Variants in SH3TC1 observed in about 807,000 individuals in gnomAD.
SH3TC1 encodes SH3 domain and tetratricopeptide repeats 1, also known as SH3 domain and tetratricopeptide repeat-containing protein 1.
SH3TC1 carries 135 observed loss-of-function variants against 117.3 expected under a neutral mutation model. That is an observed-to-expected ratio of 1.15 (90% confidence interval 1.00 to 1.33). The LOEUF (loss-of-function observed/expected upper bound fraction) is 1.33, where lower values mean the gene tolerates loss of function less well. SH3TC1 is among the 40% of genes most tolerant of loss of function. The pLI is 0.00. For missense variants in SH3TC1, 2,092 were observed against 1,794.3 expected, an observed-to-expected ratio of 1.17 and a Z score of -3.00; for synonymous variants, 898 against 816.9, an observed-to-expected ratio of 1.10 and a Z score of -1.69.
chr4:8,232,088 C>T lies in SH3TC1; in HGVS notation c.3063C>T (p.Ala1021=), dbSNP rs780963100. The T allele has an allele frequency of 1.2e-5, 19 of 1,612,820 alleles. No individual in the cohort carries two copies. The highest frequency in any genetic ancestry group is 5.0e-5 in the Admixed American group (3 of 59,972). ...AGCTCTCCCTGGCCTGCAAGGTGGCCGACAAGGTGCTGGAGGGGCAGCTCC... is the reference window on the plus strand; with the variant it reads ...AGCTCTCCCTGGCCTGCAAGGTGGCTGACAAGGTGCTGGAGGGGCAGCTCC... ...ELQLSLACKV[A]DKVLEGQLLE... is the part of the protein sequence containing the mutation. Residue 1021 remains alanine (A), a synonymous_variant, in exon 13 of 18, where the codon GCC becomes GCT. Transcript: ENST00000245105.
chr4:8,232,054 A>G lies in SH3TC1; in HGVS notation c.3029A>G (p.His1010Arg). 1 of 1,613,416 alleles carries G rather than the reference A, an allele frequency of 6.2e-7. No individual in the cohort carries two copies. The highest frequency in any genetic ancestry group is 2.2e-5 in the East Asian group (1 of 44,866). The change falls in exon 13 of 18, where the codon CAT becomes CGT. Residue 1010 changes from histidine to arginine, a missense_variant. His to Arg is a conservative substitution (Grantham distance 29, BLOSUM62 0). Transcript: ENST00000245105. Reference protein sequence around the residue: ...MPSEAQCVIYHELQLSLACKV... With the variant: ...MPSEAQCVIYRELQLSLACKV... ...AGCGAGGCCCAGTGTGTCATCTACC[A>G]TGAGCTCCAGCTCTCCCTGGCCTGC...
At chr4:8,187,069 T>C (rs934190852) in intron 1 of SH3TC1, among the ~76,000 whole-genome samples, 15 of 152,188 alleles carry the variant, frequency 9.9e-5, no homozygotes, top group Admixed American at 7.9e-4. Flanking sequence ...CCTGCTCAAA[T>C]GTCACTGCCT....
intron 1 of SH3TC1, among the ~76,000 whole-genome samples, chr4:8,184,214 T>A (rs1219025995): frequency 2.0e-5 from 3 of 152,218 alleles, no homozygotes; most frequent in Non-Finnish European, 2.9e-5. Flanking sequence ...AAATCCATTA[T>A]TACTAAGTGG....
chr4:8,224,055 A>ACC (rs1720216058), intron 10 of SH3TC1, among the ~76,000 whole-genome samples: 10 of 142,882 alleles, frequency 7.0e-5, no homozygotes, highest in Admixed American at 1.4e-4. Context: ...ACACACACAC[A>ACC]CACCCACCCA....
At chr4:8,226,358 G>T (rs1720459922) in intron 11 of SH3TC1, among the ~76,000 whole-genome samples, 2 of 152,182 alleles carry the variant, frequency 1.3e-5, no homozygotes, top group Admixed American at 1.3e-4. Context: ...GGTGAAGGTG[G>T]TCACAGGAGC....
Position 8,227,959 on chromosome 4 carries a change from C to A in SH3TC1, c.2265C>A (p.Ala755=), listed in dbSNP as rs1376666715. 2 of 1,611,732 alleles carry A rather than the reference C, an allele frequency of 1.2e-6. No homozygotes were observed. Among genetic ancestry groups the A allele is most frequent in the East Asian group, 2.2e-5 (1 of 44,894 alleles). The change falls in exon 12 of 18, where the codon GCC becomes GCA. Residue 755 remains alanine, a synonymous_variant. Coordinates refer to ENST00000245105, the MANE Select transcript of SH3TC1 (RefSeq NM_018986.5). ...LRSVNLVLQN[A]PQPHSLPAQT... ...GTGTGAACCTGGTGCTCCAGAACGC[C>A]CCCCAGCCCCACAGCCTCCCTGCCC...
At position 8,226,990 on chromosome 4, in the gene SH3TC1, A is replaced by C. The variant is rs1578717398; in HGVS notation, c.1296A>C (p.Pro432=). 6.5e-7 allele frequency: 1 copy of C among 1,543,426 alleles called. No homozygotes were observed. Among genetic ancestry groups the C allele is most frequent in the Non-Finnish European group, 8.7e-7 (1 of 1,143,762 alleles). ...TTTTGTGACTTGCAGAAATACCTCC[A>C]CCTTGCCTGAGCCTGGAGCCACAGG... ...TEQPQEKEIP[P]PCLSLEPQET... is the part of the protein sequence containing the mutation. The change falls in exon 12 of 18, where the codon CCA becomes CCC. Residue 432 remains proline (P), a synonymous_variant. Coordinates refer to ENST00000245105, the MANE Select transcript of SH3TC1 (RefSeq NM_018986.5).
At position 8,240,887 on chromosome 4, in the gene SH3TC1, AG is replaced by A; in HGVS notation, c.3946del (p.Val1316SerfsTer60). The A allele has an allele frequency of 1.9e-6, 3 of 1,613,346 alleles. No homozygotes were observed. Among genetic ancestry groups the A allele is most frequent in the Middle Eastern group, 1.6e-4 (1 of 6,062 alleles). On this transcript the variant is annotated frameshift_variant, in exon 18 of 18. Transcript: ENST00000245105. LOFTEE classifies it low-confidence loss of function (END_TRUNC). ...CTTCGCCACAGAGCTCAACGTCCGC[AG>A]GGTCAACCTGCCTCCTCTGCCACTC... ...RTFATELNVRRVNLPPLPLCG... is the reference protein window; with the variant it reads ...RTFATELNVRXVNLPPLPLCG...
At chr4:8,236,110 C>T (rs1304491327) in intron 15 of SH3TC1, 168 bp from the exon 16 acceptor site, 2 of 835,642 alleles carry the variant, frequency 2.4e-6, no homozygotes, top group Non-Finnish European at 3.5e-6. Context: ...GACTCTTCAG[C>T]CCCTAGCTTG....
At position 8,237,521 on chromosome 4, in the gene SH3TC1, C is replaced by T. The variant is rs1384310749; in HGVS notation, c.3604C>T (p.Gln1202Ter). 6.2e-7 allele frequency: 1 copy of T among 1,606,900 alleles called. No homozygotes were observed. The highest frequency in any genetic ancestry group is 1.1e-5 in the South Asian group (1 of 90,094). ...GGCCTACCACCGGCTGGCCGCCCTG[C>T]AACACCGACTGGGCCATGGCGAGCT... The part of the protein sequence containing the change: ...RVAYHRLAAL[Q>*]HRLGHGELAE... The change falls in exon 17 of 18, where the codon CAA becomes TAA. Residue 1202 changes from glutamine (Q) to a stop codon, truncating the protein, a stop_gained. Coordinates refer to ENST00000245105, the MANE Select transcript of SH3TC1 (RefSeq NM_018986.5). LOFTEE classifies it high-confidence loss of function.
intron 12 of SH3TC1, 96 bp downstream of exon 12, chr4:8,228,740 C>G: frequency 9.3e-7 from 1 of 1,075,696 alleles, no homozygotes; most frequent in Non-Finnish European, 1.3e-6. Flanking sequence ...GGTTTTTCCA[C>G]CATCGAAAGT....
At chr4:8,201,491 C>T (rs915847528) in intron 1 of SH3TC1, 1 of 152,340 alleles carries the variant, frequency 6.6e-6, no homozygotes, top group African/African-American at 2.4e-5. Context: ...ACTGAACAAA[C>T]AGGATGAAGG....
chr4:8,227,607 T>A lies in SH3TC1; in HGVS notation c.1913T>A (p.Ile638Asn). The A allele has an allele frequency of 3.9e-6, 6 of 1,522,040 alleles. No individual in the cohort carries two copies. Among genetic ancestry groups the A allele is most frequent in the Non-Finnish European group, 5.3e-6 (6 of 1,137,876 alleles). 94.3% of individuals were successfully genotyped at this position (1,522,040 alleles called of 1,614,324 possible). The change falls in exon 12 of 18, where the codon ATC becomes AAC. Residue 638 changes from isoleucine to asparagine, a missense_variant. Physicochemically the swap from Ile to Asn is moderately radical, Grantham distance 149. Transcript: ENST00000245105. ...CTGCTCCTGGGGACGCCTGACCACA[T>A]CTGCAGCACCGAGGCGGAGGGGGAG... ...MALLLGTPDH[I>N]CSTEAEGELL...
At position 8,205,891 on chromosome 4, in the gene SH3TC1, G is replaced by C; in HGVS notation, c.172+525G>C. Reference sequence around the variant, plus strand: ...GGATCCCCTCTTACCCCCATCCTGAGACCCTGAAGGGGACGAGGGGAGAGG... The same window carrying C: ...GGATCCCCTCTTACCCCCATCCTGACACCCTGAAGGGGACGAGGGGAGAGG... On this transcript the variant is annotated intron_variant, in intron 2 of 17. Coordinates refer to ENST00000245105, the MANE Select transcript of SH3TC1 (RefSeq NM_018986.5). The surrounding 1 kb of genome is among the most constrained non-coding windows in gnomAD (Gnocchi z 5.4). The C allele has an allele frequency of 1.8e-6, 1 of 551,750 alleles. No homozygotes were observed. The highest frequency in any genetic ancestry group is 2.5e-5 in the South Asian group (1 of 40,218). The allele number at this position is 551,750 out of a possible 1,614,324, so 34.2% of individuals were successfully genotyped here.
Position 8,217,040 on chromosome 4 carries a change from A to G in SH3TC1, c.712A>G (p.Arg238Gly), listed in dbSNP as rs762520722. The part of the protein sequence containing the change: ...RDAGNGPQAL[R>G]QASGAPQGEA... ...TGCAGGAAATGGCCCCCAGGCCCTC[A>G]GGCAGGCTTCGGGGGCACCCCAGGG... is the stretch of plus-strand genomic sequence containing the variant. The change falls in exon 7 of 18, where the codon AGG becomes GGG. Residue 238 changes from arginine (R) to glycine (G), a missense_variant. Transcript: ENST00000245105. The G allele has an allele frequency of 1.2e-6, 2 of 1,613,512 alleles. No homozygotes were observed. Among genetic ancestry groups the G allele is most frequent in the Non-Finnish European group, 1.7e-6 (2 of 1,179,756 alleles).
chr4:8,237,342 G>T, intron 16 of SH3TC1, 132 bp from the exon 17 acceptor site: 1 of 678,488 alleles, frequency 1.5e-6, no homozygotes. Context: ...GTGAGTCTGG[G>T]AGCTGGGAAG....
upstream of SH3TC1, among the ~76,000 whole-genome samples, chr4:8,199,117 C>A (rs1480189565): frequency 6.6e-6 from 1 of 152,228 alleles, no homozygotes; most frequent in African/African-American, 2.4e-5. Flanking sequence ...AGGACAGGGC[C>A]TGGACCTCGT....
At position 8,235,485 on chromosome 4, in the gene SH3TC1, T is replaced by G. The variant is rs1341158927; in HGVS notation, c.3335T>G (p.Leu1112Arg). 2.5e-6 allele frequency: 4 copies of G among 1,604,106 alleles called. No individual in the cohort carries two copies. In the East Asian group the frequency reaches 9.0e-5, roughly 36 times the overall value. The change falls in exon 15 of 18, where the codon CTG (leucine) becomes CGG (arginine). Residue 1112 changes from leucine (L) to arginine (R), a missense_variant. Transcript: ENST00000245105. ...YTGDPNLGLE[L>R]FEAAGDIFFD... ...GGCGACCCCAACCTGGGGCTGGAGC[T>G]GTTTGAGGCGGCTGGAGACATCTTC...
chr4:8,188,205 A>G (rs1281113), intron 1 of SH3TC1, among the ~76,000 whole-genome samples: 151,146 of 152,272 alleles, frequency 0.99, 75,024 homozygotes, highest in Middle Eastern at 1. Context: ...CCCCTTTCCC[A>G]ACCCCTCTGC....
Sources: allele counts gnomAD v4.1 joint callset (sites outside exome capture counted in the v4.1 genomes callset), GRCh38; gene constraint gnomAD v4.1.1; non-coding constraint Gnocchi (gnomAD v3.1); transcripts MANE v1.5; gene names NCBI Gene and HGNC (gene_info 2026-07-23, HGNC 2026-07-21).